The following MAD1L1 variants were observed in gnomAD, a reference collection of about 807,000 sequenced individuals.
MAD1L1 encodes mitotic arrest deficient 1 like 1, also known as mitotic spindle assembly checkpoint protein MAD1.
Under a neutral mutation model 96.9 loss-of-function variants are expected in MAD1L1, and 95 were observed. The ratio of observed to expected loss-of-function variants is 0.98; its 90% CI spans 0.83 to 1.16. The LOEUF is 1.16. Ranked by LOEUF, MAD1L1 falls within the 50% of genes most tolerant of loss-of-function variation. MAD1L1 has a pLI of 0.00. For synonymous variants in MAD1L1, 473 were observed against 396.6 expected (o/e 1.19, Z -2.29); for missense variants, 1,007 against 954.4 (o/e 1.06, Z -0.73).
chr7:2,016,713 G>A (rs1316767066), intron 12 of MAD1L1, among the ~76,000 whole-genome samples: 1 of 152,172 alleles, frequency 6.6e-6, no homozygotes, highest in Admixed American at 6.5e-5. Flanking sequence ...AGGGACACAG[G>A]TGCCACCCTG....
intron 18 of MAD1L1, among the ~76,000 whole-genome samples, chr7:1,896,823 C>T (rs549118117): frequency 3.9e-5 from 6 of 152,310 alleles, no homozygotes; most frequent in Admixed American, 1.3e-4. Flanking sequence ...GTTGATGTAA[C>T]GAGTGATATG....
At chr7:2,141,457 G>T (rs1365787134) in intron 11 of MAD1L1, among the ~76,000 whole-genome samples, 2 of 152,172 alleles carry the variant, frequency 1.3e-5, no homozygotes, top group Non-Finnish European at 2.9e-5. Context: ...CATACTGGGG[G>T]GCCACAGAGA....
At chr7:1,880,696 C>T (rs1034393874) in intron 18 of MAD1L1, among the ~76,000 whole-genome samples, 8 of 152,188 alleles carry the variant, frequency 5.3e-5, no homozygotes, top group Non-Finnish European at 1.0e-4. Flanking sequence ...AGAGGAAGTA[C>T]GGTGTGGTCA....
intron 14 of MAD1L1, among the ~76,000 whole-genome samples, chr7:1,981,214 G>T (rs553323392): frequency 6.6e-6 from 1 of 152,288 alleles, no homozygotes; most frequent in South Asian, 2.1e-4. Flanking sequence ...TGATTCACCC[G>T]CCTCCGCCTC....
intron 17 of MAD1L1, among the ~76,000 whole-genome samples, chr7:1,913,954 G>A (rs1243985259): frequency 1.3e-5 from 2 of 152,154 alleles, no homozygotes; most frequent in Non-Finnish European, 1.5e-5. Context: ...AACGCCCCAT[G>A]TCCTGCTGGA....
intron 15 of MAD1L1, among the ~76,000 whole-genome samples, chr7:1,977,100 C>T (rs1157296635): frequency 1.3e-5 from 2 of 152,252 alleles, no homozygotes; most frequent in South Asian, 4.1e-4. Context: ...GCCAGTCCCA[C>T]GTCACACGCC....
intron 13 of MAD1L1, among the ~76,000 whole-genome samples, chr7:2,010,753 C>A (rs1192893748): frequency 6.6e-6 from 1 of 152,214 alleles, no homozygotes; most frequent in Non-Finnish European, 1.5e-5. Context: ...CATCCTCCCG[C>A]TGGCGACTAC....
chr7:2,144,134 C>A (rs781442205), intron 11 of MAD1L1, among the ~76,000 whole-genome samples: 1 of 152,222 alleles, frequency 6.6e-6, no homozygotes, highest in Non-Finnish European at 1.5e-5. Flanking sequence ...CCTGGACGCA[C>A]GTCCTGCTTT....
At chr7:2,134,919 C>T (rs1169276625) in intron 11 of MAD1L1, among the ~76,000 whole-genome samples, 3 of 152,206 alleles carry the variant, frequency 2.0e-5, no homozygotes, top group African/African-American at 7.2e-5. Context: ...CCTTCAACTG[C>T]CCGGAATGCT....
intron 18 of MAD1L1, among the ~76,000 whole-genome samples, chr7:1,839,050 C>T (rs544748004): frequency 1.2e-4 from 18 of 152,214 alleles, no homozygotes; most frequent in African/African-American, 3.6e-4. Flanking sequence ...CCAACCGCGG[C>T]GGGTCCCACT....
intron 17 of MAD1L1, among the ~76,000 whole-genome samples, chr7:1,910,294 C>A (rs1352303199): frequency 6.6e-6 from 1 of 152,190 alleles, no homozygotes; most frequent in Non-Finnish European, 1.5e-5. Flanking sequence ...CCTCCGGACA[C>A]CCTGCATATG....
chr7:1,964,364 C>A (rs968211286), intron 15 of MAD1L1, among the ~76,000 whole-genome samples: 1 of 152,216 alleles, frequency 6.6e-6, no homozygotes, highest in African/African-American at 2.4e-5. Context: ...GTAGCTGCAG[C>A]CATGTTAACA....
Position 1,977,190 on chromosome 7 carries a change from C to T in MAD1L1, c.1505+3263G>A, listed in dbSNP as rs138805354. Among the ~76,000 whole-genome samples, 600 of 152,364 alleles carry T rather than the reference C, an allele frequency of 3.9e-3. 5 individuals carry two copies. Among genetic ancestry groups the T allele is most frequent in the African/African-American group, 0.013 (550 of 41,592 alleles). On this transcript the variant is annotated intron_variant, in intron 15 of 18. Coordinates refer to ENST00000265854, the MANE Select transcript of MAD1L1 (RefSeq NM_001013836.2). ...CCGCGCCGTCGGGGAGGCTGGGCTG[C>T]GTGGGAGCCCACGGCTGGGGGTGGG... is the stretch of plus-strand genomic sequence containing the variant.
At chr7:2,196,900 G>C (rs927488053) in intron 10 of MAD1L1, among the ~76,000 whole-genome samples, 1 of 152,156 alleles carries the variant, frequency 6.6e-6, no homozygotes, top group Non-Finnish European at 1.5e-5. Flanking sequence ...CCCACACTTC[G>C]GGGCTGCTGA....
chr7:1,894,344 C>T (rs907023549), intron 18 of MAD1L1, among the ~76,000 whole-genome samples: 1 of 152,184 alleles, frequency 6.6e-6, no homozygotes, highest in Non-Finnish European at 1.5e-5. Flanking sequence ...CTAAATGTTG[C>T]AGGCCCTCCA....
chr7:2,020,502 G>T (rs982402340), intron 12 of MAD1L1, among the ~76,000 whole-genome samples: 25 of 152,362 alleles, frequency 1.6e-4, no homozygotes, highest in African/African-American at 5.8e-4. Context: ...GCCCGGCCCT[G>T]ACATCATGGG....
At chr7:1,922,831 G>A (rs1179371772) in intron 17 of MAD1L1, among the ~76,000 whole-genome samples, 1 of 152,236 alleles carries the variant, frequency 6.6e-6, no homozygotes, top group Non-Finnish European at 1.5e-5. Context: ...ATGAACGTGT[G>A]TTGGGCCTCG....
At chr7:2,138,362 C>T (rs952731498) in intron 11 of MAD1L1, among the ~76,000 whole-genome samples, 3 of 152,172 alleles carry the variant, frequency 2.0e-5, no homozygotes, top group Admixed American at 6.5e-5. Context: ...TCTGCAGGTG[C>T]ACTTAGTCCA....
rs1423701165 is a variant in MAD1L1, at chr7:2,114,937, TG to T, written c.1073+34214del. Among the ~76,000 whole-genome samples, 1 of 152,224 alleles carries T rather than the reference TG, an allele frequency of 6.6e-6. No individual in the cohort carries two copies. The highest frequency in any genetic ancestry group is 1.5e-5 in the Non-Finnish European group (1 of 68,042). Reference sequence around the variant, plus strand: ...AGCCCCGCCTTCCGGTGAGCACCGCTGCAGCAGCAGGGAACCTTCCGGAAGA... The same window carrying T: ...AGCCCCGCCTTCCGGTGAGCACCGCTCAGCAGCAGGGAACCTTCCGGAAGA... On this transcript the variant is annotated intron_variant, in intron 11 of 18. Transcript: ENST00000265854. This position sits in a 1 kb window ranked among gnomAD's most constrained non-coding sequence, Gnocchi z 4.2.
Sources: allele counts gnomAD v4.1 joint callset (sites outside exome capture counted in the v4.1 genomes callset), GRCh38; gene constraint gnomAD v4.1.1; non-coding constraint Gnocchi (gnomAD v3.1); transcripts MANE v1.5; gene names NCBI Gene and HGNC (gene_info 2026-07-23, HGNC 2026-07-21).